Variants in TMEM132C observed in about 807,000 individuals in gnomAD.
TMEM132C encodes the protein transmembrane protein 132C.
A neutral mutation model predicts 61.4 loss-of-function variants in TMEM132C; 29 were observed. That is an observed-to-expected ratio of 0.47 (90% CI 0.35 to 0.64). TMEM132C has a LOEUF of 0.64. Among genes scored for constraint, TMEM132C ranks in the 30% least tolerant of loss-of-function variants. The pLI, the probability that TMEM132C is intolerant of heterozygous loss-of-function variation, is 0.00. For synonymous variants in TMEM132C, 656 were observed against 633.1 expected (o/e 1.04, Z -0.54); for missense variants, 1,408 against 1,476.9 (o/e 0.95, Z 0.76).
chr12:128,528,103 C>T (rs943531178), intron 2 of TMEM132C, among the ~76,000 whole-genome samples: 2 of 152,164 alleles, frequency 1.3e-5, no homozygotes, highest in Non-Finnish European at 2.9e-5. Context: ...GACATACTCA[C>T]AAACATAGCA....
rs76769771 is a variant in TMEM132C, at chr12:128,682,976, C to T, written c.1450-10853C>T. Among the ~76,000 whole-genome samples, 969 of 152,220 alleles carry T rather than the reference C, an allele frequency of 6.4e-3. 12 individuals carry two copies. The highest frequency in any genetic ancestry group is 0.022 in the African/African-American group (925 of 41,518). ...TTCTCTGCCTGCATCTTCACATGGC[C>T]GTCCTCCCTGTGCGTCTGCCTCTGT... On this transcript the variant is annotated intron_variant, in intron 5 of 8. Transcript: ENST00000435159.
intron 3 of TMEM132C, 55 bp from the exon 4 acceptor site, chr12:128,616,097 A>G: frequency 6.6e-7 from 1 of 1,525,920 alleles, no homozygotes; most frequent in Non-Finnish European, 8.8e-7. Context: ...TTATGAGGAG[A>G]GAAGGGTCCT....
At position 128,595,757 on chromosome 12, in the gene TMEM132C, C is replaced by T. The variant is rs540745298; in HGVS notation, c.1122-20395C>T. Among the ~76,000 whole-genome samples the T allele has an allele frequency of 1.8e-4, 28 of 152,290 alleles. No individual in the cohort carries two copies. The South Asian group carries it at 5.6e-3, about 30-fold the overall frequency. On this transcript the variant is annotated intron_variant, in intron 3 of 8. Coordinates refer to ENST00000435159, the MANE Select transcript of TMEM132C (RefSeq NM_001136103.3). ...TTTCTCTTTTCTTTCTTCTTTGCAA[C>T]ACTTAATGGCAAGGACCTAGAAGGG... is the stretch of plus-strand genomic sequence containing the variant.
chr12:128,445,641 C>T (rs1056765853), intron 2 of TMEM132C, among the ~76,000 whole-genome samples: 7 of 152,160 alleles, frequency 4.6e-5, no homozygotes, highest in East Asian at 1.9e-4. Flanking sequence ...AGGCGGCTGC[C>T]GCTGGAGACA....
intron 5 of TMEM132C, among the ~76,000 whole-genome samples, chr12:128,686,849 A>C (rs1451516319): frequency 6.6e-6 from 1 of 152,164 alleles, no homozygotes; most frequent in Non-Finnish European, 1.5e-5. Flanking sequence ...TAAGCAATCT[A>C]GAGAGAGGAA....
chr12:128,357,030 A>T (rs149213570), intron 1 of TMEM132C, among the ~76,000 whole-genome samples: 2 of 152,300 alleles, frequency 1.3e-5, no homozygotes, highest in African/African-American at 2.4e-5. Context: ...CTTACATCTT[A>T]AATGTCTGCA....
At chr12:128,594,877 A>G in intron 3 of TMEM132C, among the ~76,000 whole-genome samples, 1 of 152,170 alleles carries the variant, frequency 6.6e-6, no homozygotes. Context: ...GGCTTTTTCT[A>G]AATTGGAGGT....
At position 128,379,597 on chromosome 12, in the gene TMEM132C, C is replaced by G. The variant is rs1037434629; in HGVS notation, c.86-35135C>G. On this transcript the variant is annotated intron_variant, in intron 1 of 8. Transcript: ENST00000435159. ...TGTTTTGGCTGGTGGTTGCATTGCTCCAGTCTCTGCCTCCATCTTCACATG... is the reference window on the plus strand; with the variant it reads ...TGTTTTGGCTGGTGGTTGCATTGCTGCAGTCTCTGCCTCCATCTTCACATG... Among the ~76,000 whole-genome samples the G allele has an allele frequency of 3.9e-5, 6 of 152,298 alleles. No individual in the cohort carries two copies. The South Asian group carries it at 1.0e-3, about 26-fold the overall frequency.
chr12:128,381,841 T>C (rs982845866), intron 1 of TMEM132C, among the ~76,000 whole-genome samples: 3 of 152,164 alleles, frequency 2.0e-5, no homozygotes, highest in Non-Finnish European at 4.4e-5. Context: ...CCTTGCTTTT[T>C]GTCAGCAATG....
intron 1 of TMEM132C, among the ~76,000 whole-genome samples, chr12:128,408,332 G>A (rs901376315): frequency 1.3e-5 from 2 of 152,150 alleles, no homozygotes; most frequent in African/African-American, 4.8e-5. Context: ...TTATGTCTAG[G>A]AAGAATGAAG....
chr12:128,599,249 T>A (rs1156583259), intron 3 of TMEM132C, among the ~76,000 whole-genome samples: 2 of 152,176 alleles, frequency 1.3e-5, no homozygotes, highest in African/African-American at 4.8e-5. Flanking sequence ...TAATCTCAGG[T>A]TACCTAACTT....
In TMEM132C at chr12:128,705,393, G is replaced by T; in HGVS notation, c.2425G>T (p.Gly809Cys). ...FGQNDADSSP[G>C]GDYEEDEIKN... ...ACAGAACGATGCTGACTCCAGCCCC[G>T]GCGGGGACTATGAGGAAGATGAGAT... The change falls in exon 9 of 9, where the codon GGC becomes TGC. Residue 809 changes from glycine to cysteine, a missense_variant. Coordinates refer to ENST00000435159, the MANE Select transcript of TMEM132C (RefSeq NM_001136103.3). The T allele has an allele frequency of 6.4e-7, 1 of 1,551,164 alleles. No homozygotes were observed.
At chr12:128,414,481 C>G (rs1162497412) in intron 1 of TMEM132C, among the ~76,000 whole-genome samples, 1 of 152,168 alleles carries the variant, frequency 6.6e-6, no homozygotes, top group Non-Finnish European at 1.5e-5. Flanking sequence ...AAACTGCCAC[C>G]ATTCAATGAA....
chr12:128,321,183 C>T (rs1872323512), intron 1 of TMEM132C, among the ~76,000 whole-genome samples: 1 of 148,088 alleles, frequency 6.8e-6, no homozygotes, highest in African/African-American at 2.5e-5. Flanking sequence ...ATAATAATGC[C>T]AACATTTCTT....
At chr12:128,424,106 G>A (rs1869097788) in intron 2 of TMEM132C, among the ~76,000 whole-genome samples, 1 of 149,398 alleles carries the variant, frequency 6.7e-6, no homozygotes, top group Non-Finnish European at 1.5e-5. Flanking sequence ...CTAATCCTGA[G>A]TTTCTAACCA....
chr12:128,580,487 G>T (rs918738280), intron 3 of TMEM132C, among the ~76,000 whole-genome samples: 2 of 152,170 alleles, frequency 1.3e-5, no homozygotes, highest in Non-Finnish European at 1.5e-5. Context: ...AGCCTGGCAG[G>T]TATTAATAAA....
chr12:128,536,320 T>C (rs912309099), intron 2 of TMEM132C, among the ~76,000 whole-genome samples: 10 of 152,010 alleles, frequency 6.6e-5, no homozygotes, highest in African/African-American at 2.4e-4. Context: ...ATGTTCTCAC[T>C]CATAGGTGGG....
intron 1 of TMEM132C, among the ~76,000 whole-genome samples, chr12:128,355,756 T>G (rs1004769146): frequency 2.0e-5 from 3 of 152,068 alleles, no homozygotes; most frequent in African/African-American, 7.2e-5. Flanking sequence ...CTCAGGGCCT[T>G]TGCACATCCC....
At chr12:128,284,588 G>A (rs1273494520) in intron 1 of TMEM132C, among the ~76,000 whole-genome samples, 3 of 152,178 alleles carry the variant, frequency 2.0e-5, no homozygotes, top group African/African-American at 7.2e-5. Context: ...GAGGTTTCCT[G>A]TAAGAAATAA....
Sources: gnomAD v4.1 joint callset for allele counts (sites outside exome capture counted in the v4.1 genomes callset) on GRCh38, gnomAD v4.1.1 for gene constraint, MANE v1.5 for transcripts, NCBI Gene and HGNC (gene_info 2026-07-23, HGNC 2026-07-21) for gene names.